CNTLN: variants seen among roughly 807,000 people sequenced by gnomAD.
CNTLN encodes the protein centlein, centrosomal protein.
CNTLN carries 212 observed loss-of-function variants against 180.0 expected under a neutral mutation model. The ratio of observed to expected loss-of-function variants is 1.18; its 90% CI spans 1.05 to 1.32. CNTLN has a LOEUF of 1.32. Among genes scored for constraint, CNTLN ranks in the 40% most tolerant of loss-of-function variants. The probability of loss-of-function intolerance (pLI) is 0.00; values close to 1 mark genes in which losing one functional copy is unlikely to be tolerated. For synonymous variants in CNTLN, 722 were observed against 563.1 expected (o/e 1.28, Z -3.99); for missense variants, 2,095 against 1,610.9 (o/e 1.30, Z -5.14).
rs373479239 is a variant in CNTLN, at chr9:17,331,969, T to C, written c.1519-636T>C. On this transcript the variant is annotated intron_variant, in intron 9 of 25. Coordinates refer to ENST00000380647, the MANE Select transcript of CNTLN (RefSeq NM_017738.4). ...ATTATGGCCAAAATTTTCTTTCTTT[T>C]TGTAAGGCCATGCAGTAAGGATGAG... is the stretch of plus-strand genomic sequence containing the variant. 2.2e-4 allele frequency among the ~76,000 whole-genome samples: 34 copies of C among 152,180 alleles called. No individual in the cohort carries two copies. The East Asian group carries it at 4.2e-3, about 19-fold the overall frequency.
chr9:17,358,845 A>G (rs921826144), intron 12 of CNTLN, among the ~76,000 whole-genome samples: 11 of 152,302 alleles, frequency 7.2e-5, no homozygotes, highest in African/African-American at 2.6e-4. Context: ...TAAAATTCCA[A>G]AAAAACCTAT....
chr9:17,397,400 A>C (rs1318214505), intron 15 of CNTLN, among the ~76,000 whole-genome samples: 2 of 152,184 alleles, frequency 1.3e-5, no homozygotes, highest in African/African-American at 4.8e-5. Context: ...CAAGGAGTGG[A>C]TTATTCATGC....
chr9:17,224,002 T>C (rs1824309511), intron 2 of CNTLN, among the ~76,000 whole-genome samples: 1 of 152,062 alleles, frequency 6.6e-6, no homozygotes, highest in Admixed American at 6.6e-5. Flanking sequence ...AGGGTCTTCA[T>C]GACTCTTCCT....
intron 2 of CNTLN, among the ~76,000 whole-genome samples, chr9:17,224,014 C>T (rs1824310190): frequency 6.6e-6 from 1 of 151,976 alleles, no homozygotes; most frequent in Non-Finnish European, 1.5e-5. Context: ...ACTCTTCCTT[C>T]CTTCCTTTAG....
chr9:17,138,526 C>T (rs1467755308), intron 1 of CNTLN, among the ~76,000 whole-genome samples: 1 of 152,160 alleles, frequency 6.6e-6, no homozygotes, highest in Admixed American at 6.5e-5. Flanking sequence ...GTTAAAACTT[C>T]ATTTATTCAC....
chr9:17,337,797 A>G (rs544101388), intron 10 of CNTLN, among the ~76,000 whole-genome samples: 2 of 152,328 alleles, frequency 1.3e-5, no homozygotes, highest in African/African-American at 4.8e-5. Context: ...ACAGAGAATC[A>G]TTGTGAAAGT....
chr9:17,435,845 A>G (rs1326063661), intron 18 of CNTLN, among the ~76,000 whole-genome samples: 1 of 152,078 alleles, frequency 6.6e-6, no homozygotes, highest in Non-Finnish European at 1.5e-5. Flanking sequence ...TTACACGTGT[A>G]AGCCATCGTG....
chr9:17,506,687 T>G (rs1434842005), downstream of CNTLN, among the ~76,000 whole-genome samples: 1 of 151,826 alleles, frequency 6.6e-6, no homozygotes, highest in Non-Finnish European at 1.5e-5. Context: ...AATAAATTTG[T>G]AGCCACAACA....
rs140299027 is a variant in CNTLN at position 17,159,787 on chromosome 9, A to T, written c.449+16411A>T. 2.0e-5 allele frequency among the ~76,000 whole-genome samples: 3 copies of T among 152,336 alleles called. No individual in the cohort carries two copies. In the East Asian group the frequency reaches 5.8e-4, roughly 29 times the overall value. On this transcript the variant is annotated intron_variant, in intron 2 of 25. Coordinates refer to ENST00000380647, the MANE Select transcript of CNTLN (RefSeq NM_017738.4). ...GCAGTGGTTTTGGTTTAGATACCACAAACATTGCCTTTCATACTGATTGAT... is the reference window on the plus strand; with the variant it reads ...GCAGTGGTTTTGGTTTAGATACCACTAACATTGCCTTTCATACTGATTGAT...
intron 25 of CNTLN, among the ~76,000 whole-genome samples, chr9:17,491,323 A>T (rs2499056): frequency 0.98 from 149,194 of 152,222 alleles, 73,135 homozygotes; most frequent in Middle Eastern, 1. Context: ...TCACTACTGT[A>T]ATAGAATTTA....
chr9:17,416,067 CTT>C lies in CNTLN; in HGVS notation c.2993_2994del (p.Leu998ProfsTer12). The C allele has an allele frequency of 6.2e-7, 1 of 1,613,498 alleles. No homozygotes were observed. Among genetic ancestry groups the C allele is most frequent in the Non-Finnish European group, 8.5e-7 (1 of 1,179,656 alleles). On this transcript the variant is annotated frameshift_variant, in exon 18 of 26. Transcript: ENST00000380647. LOFTEE classifies it high-confidence loss of function. ...IISLQQQNSV[L>X]QNAKKTAELS... ...ATCCTTGCAACAACAAAACAGTGTA[CTT>C]CAGAATGCCAAGAAAACAGCAGAAT...
intron 2 of CNTLN, among the ~76,000 whole-genome samples, chr9:17,202,999 C>T (rs1288462620): frequency 7.9e-5 from 12 of 152,050 alleles, no homozygotes; most frequent in African/African-American, 2.9e-4. Context: ...ATATTTCGTG[C>T]TTCCTTCAGG....
At chr9:17,291,938 GGTTT>G (rs1829440418) in intron 6 of CNTLN, among the ~76,000 whole-genome samples, 1 of 152,148 alleles carries the variant, frequency 6.6e-6, no homozygotes, top group South Asian at 2.1e-4. Flanking sequence ...GGCTAGTGGT[GGTTT>G]TTCCTTTCTA....
At chr9:17,476,770 A>G (rs1345856934) in intron 23 of CNTLN, among the ~76,000 whole-genome samples, 2 of 152,250 alleles carry the variant, frequency 1.3e-5, no homozygotes, top group Non-Finnish European at 1.5e-5. Flanking sequence ...AGCCACCTAC[A>G]TAACCTAAGA....
At chr9:17,299,257 A>C (rs1490306644) in intron 7 of CNTLN, 1 of 158,354 alleles carries the variant, frequency 6.3e-6, no homozygotes, top group Non-Finnish European at 1.2e-5. Flanking sequence ...AAAAAAAAAA[A>C]AAAAAAAAAA....
chr9:17,178,667 G>C (rs972049435), intron 2 of CNTLN, among the ~76,000 whole-genome samples: 1 of 129,634 alleles, frequency 7.7e-6, no homozygotes, highest in Non-Finnish European at 1.7e-5. Context: ...CCGGCTGGCC[G>C]GCCGCTCCAA....
the CNTLN span, among the ~76,000 whole-genome samples, chr9:17,518,447 G>T: frequency 3.3e-5 from 5 of 152,114 alleles, no homozygotes; most frequent in Non-Finnish European, 5.9e-5. Flanking sequence ...TTAAGATTTT[G>T]CCCCTCCTTC....
At chr9:17,326,535 G>GT (rs1168135921) in intron 8 of CNTLN, among the ~76,000 whole-genome samples, 4 of 151,994 alleles carry the variant, frequency 2.6e-5, no homozygotes, top group African/African-American at 9.7e-5. Context: ...ACATATAATA[G>GT]TTATATGTGT....
the CNTLN span, among the ~76,000 whole-genome samples, chr9:17,513,013 G>T: frequency 3.3e-5 from 5 of 152,090 alleles, no homozygotes; most frequent in South Asian, 4.2e-4. Flanking sequence ...AGAGATGGGG[G>T]TTTCACCGTG....
Sources: gnomAD v4.1 joint callset for allele counts (sites outside exome capture counted in the v4.1 genomes callset) on GRCh38, gnomAD v4.1.1 for gene constraint, MANE v1.5 for transcripts, NCBI Gene and HGNC (gene_info 2026-07-23, HGNC 2026-07-21) for gene names.